Variants in TENM2 observed in about 807,000 individuals in gnomAD.
TENM2 encodes the protein teneurin transmembrane protein 2.
Under a neutral mutation model 245.2 loss-of-function variants are expected in TENM2, and 52 were observed. The ratio of observed to expected loss-of-function variants is 0.21; its 90% CI spans 0.17 to 0.27. The LOEUF (loss-of-function observed/expected upper bound fraction) is 0.27, where lower values mean the gene tolerates loss of function less well. Ranked by LOEUF, TENM2 falls within the 10% of genes least tolerant of loss-of-function variation. The pLI is 1.00. For synonymous variants in TENM2, 1,363 were observed against 1,438.9 expected, an observed-to-expected ratio of 0.95 and a Z score of 1.19; for missense variants, 3,046 against 3,666.8, an observed-to-expected ratio of 0.83 and a Z score of 4.37.
chr5:168,261,407 A>G (rs766534792), intron 28 of TENM2, among the ~76,000 whole-genome samples: 1 of 152,216 alleles, frequency 6.6e-6, no homozygotes, highest in Non-Finnish European at 1.5e-5. Context: ...ATATGCACAC[A>G]GATCACCCAA....
At chr5:168,174,837 G>A (rs1474325458) in intron 13 of TENM2, among the ~76,000 whole-genome samples, 1 of 152,172 alleles carries the variant, frequency 6.6e-6, no homozygotes, top group African/African-American at 2.4e-5. Flanking sequence ...AGAGGAGTCA[G>A]GGCTCCAACT....
At chr5:167,986,398 C>G (rs1219551506) in intron 4 of TENM2, among the ~76,000 whole-genome samples, 1 of 152,182 alleles carries the variant, frequency 6.6e-6, no homozygotes, top group Non-Finnish European at 1.5e-5. Context: ...CTATTCCATC[C>G]CAAGCCCCTA....
intron 22 of TENM2, among the ~76,000 whole-genome samples, 197 bp downstream of exon 24, chr5:168,217,119 A>T (rs995902341): frequency 6.7e-6 from 1 of 149,672 alleles, no homozygotes. Context: ...TGAGAGAGAG[A>T]GAGAGAGCAA....
the TENM2 span, among the ~76,000 whole-genome samples, chr5:167,053,590 G>T: frequency 6.6e-6 from 1 of 152,066 alleles, no homozygotes; most frequent in African/African-American, 2.4e-5. Flanking sequence ...TTCTACTTGG[G>T]CTGGGCAGAG....
the TENM2 span, among the ~76,000 whole-genome samples, chr5:167,164,620 G>A: frequency 1.2e-3 from 182 of 152,224 alleles, no homozygotes; most frequent in African/African-American, 4.2e-3. Flanking sequence ...TTATTTGAGT[G>A]CAAAACAATG....
intron 2 of TENM2, among the ~76,000 whole-genome samples, chr5:167,592,157 G>A (rs991176192): frequency 6.6e-6 from 1 of 152,152 alleles, no homozygotes; most frequent in African/African-American, 2.4e-5. Flanking sequence ...CGATATCAAA[G>A]TTCAGTTCCT....
intron 2 of TENM2, among the ~76,000 whole-genome samples, chr5:167,427,929 C>CGGGAAGGAA (rs1250909814): frequency 3.8e-5 from 2 of 52,918 alleles, no homozygotes; most frequent in Non-Finnish European, 7.9e-5. Context: ...GAAGGAAGGA[C>CGGGAAGGAA]GGGAAGGAAG....
At chr5:167,648,044 A>G (rs1340700332) in intron 2 of TENM2, among the ~76,000 whole-genome samples, 4 of 152,202 alleles carry the variant, frequency 2.6e-5, no homozygotes, top group African/African-American at 9.7e-5. Flanking sequence ...CCTATGTGCA[A>G]ATACCTTTGT....
chr5:167,417,341 A>G (rs1437367817), intron 2 of TENM2, among the ~76,000 whole-genome samples: 3 of 152,162 alleles, frequency 2.0e-5, no homozygotes, highest in East Asian at 3.9e-4. Context: ...ACTGGAGTGC[A>G]GTGCTCCCCT....
intron 15 of TENM2, among the ~76,000 whole-genome samples, chr5:168,197,193 A>G (rs1761511097): frequency 6.6e-6 from 1 of 152,200 alleles, no homozygotes; most frequent in Non-Finnish European, 1.5e-5. Context: ...TTAATAAGTA[A>G]ACTATTGTAC....
chr5:168,034,854 T>C (rs550047542), intron 5 of TENM2, among the ~76,000 whole-genome samples: 1 of 152,218 alleles, frequency 6.6e-6, no homozygotes, highest in Non-Finnish European at 1.5e-5. Context: ...AGAAAAATCC[T>C]GTCAGCCACA....
rs1218800989 is a variant in TENM2 at position 168,247,181 on chromosome 5, A to G, written c.6242A>G (p.Glu2081Gly). Residue 2081 changes from glutamate (E) to glycine (G), a missense_variant, in exon 27 of 29, where the codon GAG becomes GGG. Glu to Gly is a moderately conservative substitution (Grantham distance 98). This residue lies in a region of TENM2 where 2,704 missense variants were observed against 3,331.9 expected (regional missense o/e 0.81). Transcript: ENST00000518659. The surrounding 1 kb of genome is among the most constrained non-coding windows in gnomAD (Gnocchi z 7.8). Reference sequence around the variant, plus strand: ...GACAAGCAGATCTACAGGTTCTCCGAGGAAGGCATGGTCAATGCCAGGTTT... The same window carrying G: ...GACAAGCAGATCTACAGGTTCTCCGGGGAAGGCATGGTCAATGCCAGGTTT... 1.9e-6 allele frequency: 3 copies of G among 1,613,934 alleles called. No individual in the cohort carries two copies. The highest frequency in any genetic ancestry group is 2.5e-6 in the Non-Finnish European group (3 of 1,179,888).
the TENM2 span, among the ~76,000 whole-genome samples, chr5:167,187,480 G>A: frequency 1.3e-5 from 2 of 152,196 alleles, no homozygotes; most frequent in African/African-American, 4.8e-5. Context: ...CATGACAGAT[G>A]TTTGGGTCCT....
At chr5:167,573,740 C>T (rs903426434) in intron 2 of TENM2, among the ~76,000 whole-genome samples, 9 of 152,068 alleles carry the variant, frequency 5.9e-5, no homozygotes, top group Non-Finnish European at 1.3e-4. Context: ...TCAGTTTGAT[C>T]GAGCGTTCCT....
chr5:167,287,731 A>G (rs746707114), intron 1 of TENM2: 5 of 152,206 alleles, frequency 3.3e-5, no homozygotes, highest in Non-Finnish European at 7.3e-5. Flanking sequence ...CTTGCTTTCA[A>G]CACAGAATCC....
the TENM2 span, among the ~76,000 whole-genome samples, chr5:167,269,614 C>A: frequency 1.3e-5 from 2 of 151,200 alleles, no homozygotes; most frequent in Non-Finnish European, 2.9e-5. Context: ...CCCTCCCCTA[C>A]CTTTTTGGCT....
At chr5:167,730,162 CGTT>C (rs1231731022) in intron 2 of TENM2, among the ~76,000 whole-genome samples, 3 of 152,098 alleles carry the variant, frequency 2.0e-5, no homozygotes, top group African/African-American at 7.2e-5. Flanking sequence ...CCTGCAGTGC[CGTT>C]GTTCTCATTG....
At chr5:168,112,018 G>T (rs1470355109) in intron 9 of TENM2, among the ~76,000 whole-genome samples, 1 of 152,094 alleles carries the variant, frequency 6.6e-6, no homozygotes, top group East Asian at 1.9e-4. Context: ...TCCCAGAGTT[G>T]CTTGTCCCTT....
intron 12 of TENM2, among the ~76,000 whole-genome samples, chr5:168,140,424 G>C (rs978031973): frequency 6.6e-6 from 1 of 152,170 alleles, no homozygotes; most frequent in East Asian, 1.9e-4. Flanking sequence ...ACCCTTTTCA[G>C]CTTATCTTCC....
Sources: gnomAD v4.1 joint callset for allele counts (sites outside exome capture counted in the v4.1 genomes callset) on GRCh38, gnomAD v4.1.1 for gene constraint, gnomAD v4.1.1 regional missense constraint, Gnocchi (gnomAD v3.1) non-coding constraint, MANE v1.5 for transcripts, NCBI Gene and HGNC (gene_info 2026-07-23, HGNC 2026-07-21) for gene names.